The following SEMA5A variants were observed in gnomAD, a reference collection of about 807,000 sequenced individuals.
SEMA5A encodes the protein semaphorin-5A.
Under a neutral mutation model 135.5 loss-of-function variants are expected in SEMA5A, and 55 were observed. The observed-to-expected ratio is 0.41, with a 90% CI of 0.33 to 0.51. The LOEUF (loss-of-function observed/expected upper bound fraction) is 0.51, where lower values mean the gene tolerates loss of function less well. Among genes scored for constraint, SEMA5A ranks in the 20% least tolerant of loss-of-function variants. SEMA5A has a pLI of 0.37. For synonymous variants in SEMA5A, 580 were observed against 546.5 expected (o/e 1.06, Z -0.85); for missense variants, 1,290 against 1,419.9 (o/e 0.91, Z 1.47).
At chr5:9,046,522 G>C (rs1736264931) in intron 21 of SEMA5A, among the ~76,000 whole-genome samples, 1 of 152,198 alleles carries the variant, frequency 6.6e-6, no homozygotes, top group Non-Finnish European at 1.5e-5. Context: ...TGTTCAGTGA[G>C]TGCCCACCTG....
chr5:9,388,943 A>G (rs1756026416), intron 2 of SEMA5A, among the ~76,000 whole-genome samples: 2 of 152,010 alleles, frequency 1.3e-5, no homozygotes, highest in Admixed American at 1.3e-4. Context: ...AGGGAGCACC[A>G]TTTTCTCTTT....
intron 5 of SEMA5A, among the ~76,000 whole-genome samples, chr5:9,306,789 C>T (rs1050228143): frequency 6.6e-6 from 1 of 152,084 alleles, no homozygotes; most frequent in Non-Finnish European, 1.5e-5. Context: ...TTTGATGTAC[C>T]TTTATTGTCA....
At chr5:9,116,077 C>T (rs1391088669) in intron 15 of SEMA5A, among the ~76,000 whole-genome samples, 3 of 152,250 alleles carry the variant, frequency 2.0e-5, no homozygotes, top group Admixed American at 6.5e-5. Flanking sequence ...ATACAAACAA[C>T]TACCACATGA....
chr5:9,495,324 C>G (rs892751655), intron 1 of SEMA5A, among the ~76,000 whole-genome samples: 3 of 152,074 alleles, frequency 2.0e-5, no homozygotes, highest in African/African-American at 7.2e-5. Flanking sequence ...CAAGAGCTAC[C>G]GTGAAGCCCA....
intron 5 of SEMA5A, among the ~76,000 whole-genome samples, chr5:9,272,539 G>T (rs1435619598): frequency 6.6e-6 from 1 of 152,158 alleles, no homozygotes; most frequent in African/African-American, 2.4e-5. Context: ...CCTTAAGTGG[G>T]TCCCTGATCC....
At chr5:9,282,457 T>C (rs1353937818) in intron 5 of SEMA5A, among the ~76,000 whole-genome samples, 9 of 152,082 alleles carry the variant, frequency 5.9e-5, no homozygotes, top group Admixed American at 5.9e-4. Context: ...GGAAAAGCAA[T>C]AACTTGCCCA....
rs747444046 is a variant in SEMA5A at position 9,190,310 on chromosome 5, C to G, written c.1230G>C (p.Val410=). The G allele has an allele frequency of 6.2e-7, 1 of 1,614,128 alleles. No homozygotes were observed. The highest frequency in any genetic ancestry group is 8.5e-7 in the Non-Finnish European group (1 of 1,180,026). Residue 410 remains valine (V), a synonymous_variant, in exon 11 of 23, where the codon GTG becomes GTC. Transcript: ENST00000382496. ...SRFSHVAVDV[V]QGREALVHII... is the part of the protein sequence containing the mutation. ...TGTGGACGAGCGCTTCTCTGCCCTGCACCACGTCGACTGCCACGTGGGAAA... is the reference window on the plus strand; with the variant it reads ...TGTGGACGAGCGCTTCTCTGCCCTGGACCACGTCGACTGCCACGTGGGAAA...
chr5:9,374,526 A>T (rs1482047174), intron 3 of SEMA5A, among the ~76,000 whole-genome samples: 3 of 152,082 alleles, frequency 2.0e-5, no homozygotes, highest in African/African-American at 7.2e-5. Flanking sequence ...ATGGTGCCTT[A>T]CAAAAAAGCG....
At chr5:9,095,069 T>C (rs757748451) in intron 16 of SEMA5A, among the ~76,000 whole-genome samples, 5 of 152,228 alleles carry the variant, frequency 3.3e-5, no homozygotes, top group Non-Finnish European at 5.9e-5. Flanking sequence ...ATTTATTTAC[T>C]TATATTGACA....
intron 1 of SEMA5A, among the ~76,000 whole-genome samples, chr5:9,508,220 G>C (rs576823282): frequency 1.3e-5 from 2 of 152,130 alleles, no homozygotes; most frequent in South Asian, 4.2e-4. Context: ...TTGGTCACTA[G>C]AGCACCTGTT....
At chr5:9,452,866 G>A (rs917383196) in intron 1 of SEMA5A, among the ~76,000 whole-genome samples, 4 of 152,104 alleles carry the variant, frequency 2.6e-5, no homozygotes, top group South Asian at 2.1e-4. Flanking sequence ...CAAAAAGCTC[G>A]TTTTAAGGCT....
At chr5:9,084,665 T>C (rs1738582757) in intron 16 of SEMA5A, among the ~76,000 whole-genome samples, 1 of 152,204 alleles carries the variant, frequency 6.6e-6, no homozygotes, top group African/African-American at 2.4e-5. Context: ...CCTCTTTCTT[T>C]TGTAAATTCC....
At chr5:9,372,515 G>A (rs144585881) in intron 3 of SEMA5A, among the ~76,000 whole-genome samples, 1,699 of 152,200 alleles carry the variant, frequency 0.011, 15 homozygotes, top group South Asian at 0.021. Flanking sequence ...ATGGAGGGAT[G>A]GGATATGCAT....
intron 1 of SEMA5A, among the ~76,000 whole-genome samples, chr5:9,534,553 A>T (rs909983723): frequency 3.3e-5 from 5 of 152,184 alleles, no homozygotes; most frequent in Admixed American, 6.5e-5. Context: ...CAAGCCAGCC[A>T]GTGTTGCATC....
chr5:9,341,205 T>TAC (rs113319079), intron 3 of SEMA5A, among the ~76,000 whole-genome samples: 4,689 of 144,554 alleles, frequency 0.032, 192 homozygotes, highest in African/African-American at 0.1. Context: ...CACACACACA[T>TAC]ACACACACAC....
chr5:9,190,178 G>A, intron 11 of SEMA5A, 89 bp downstream of exon 11: 3 of 1,391,790 alleles, frequency 2.2e-6, no homozygotes, highest in Middle Eastern at 2.0e-4. Flanking sequence ...CGTAAAGCTT[G>A]AAATTGAAAT....
chr5:9,505,917 G>T (rs1454190084), intron 1 of SEMA5A, among the ~76,000 whole-genome samples: 1 of 152,184 alleles, frequency 6.6e-6, no homozygotes, highest in Non-Finnish European at 1.5e-5. Context: ...TGTCATGCAA[G>T]CTGCAAAACA....
At chr5:9,531,994 T>C (rs1469369646) in intron 1 of SEMA5A, among the ~76,000 whole-genome samples, 1 of 152,186 alleles carries the variant, frequency 6.6e-6, no homozygotes, top group Non-Finnish European at 1.5e-5. Context: ...AAGAGATAAA[T>C]TGGAAAACCT....
intron 4 of SEMA5A, among the ~76,000 whole-genome samples, chr5:9,320,668 C>T (rs188508325): frequency 2.0e-5 from 3 of 152,276 alleles, no homozygotes; most frequent in East Asian, 1.9e-4. Flanking sequence ...CAGTGAGCCA[C>T]GATCCTGTCA....
Sources: gnomAD v4.1 joint callset for allele counts (sites outside exome capture counted in the v4.1 genomes callset) on GRCh38, gnomAD v4.1.1 for gene constraint, MANE v1.5 for transcripts, NCBI Gene and HGNC (gene_info 2026-07-23, HGNC 2026-07-21) for gene names.